RNGTT: variants seen among roughly 807,000 people sequenced by gnomAD.
The protein encoded by RNGTT is RNA guanylyltransferase and 5'-phosphatase.
A neutral mutation model predicts 79.3 loss-of-function variants in RNGTT; 33 were observed. That is an observed-to-expected ratio of 0.42 (90% CI 0.32 to 0.56). The LOEUF is 0.56. RNGTT is among the 20% of genes least tolerant of loss of function. The probability of loss-of-function intolerance (pLI) is 0.17; values close to 1 mark genes in which losing one functional copy is unlikely to be tolerated. For synonymous variants in RNGTT, 222 were observed against 235.9 expected (o/e 0.94, Z 0.54); for missense variants, 497 against 739.1 (o/e 0.67, Z 3.80).
intron 4 of RNGTT, among the ~76,000 whole-genome samples, chr6:88,906,809 A>G (rs1420509413): frequency 1.3e-5 from 2 of 152,142 alleles, no homozygotes. Flanking sequence ...TCTGACCCTC[A>G]AACTTTAAAT....
At chr6:88,800,059 CTTTG>C (rs1049431096) in intron 12 of RNGTT, among the ~76,000 whole-genome samples, 1 of 152,162 alleles carries the variant, frequency 6.6e-6, no homozygotes, top group Non-Finnish European at 1.5e-5. Context: ...TATTTCTGTT[CTTTG>C]TTTGGCAAGG....
intron 6 of RNGTT, among the ~76,000 whole-genome samples, chr6:88,902,809 C>T (rs1418129062): frequency 6.7e-6 from 1 of 149,570 alleles, no homozygotes; most frequent in Non-Finnish European, 1.5e-5. Context: ...CATTCTCCTG[C>T]CTCGGCCTCC....
At chr6:88,718,015 T>A (rs9359808) in intron 13 of RNGTT, among the ~76,000 whole-genome samples, 17,964 of 152,160 alleles carry the variant, frequency 0.12, 1,177 homozygotes, top group Middle Eastern at 0.23. Flanking sequence ...TAGCTGCTAC[T>A]GAATTAATCT....
intron 8 of RNGTT, among the ~76,000 whole-genome samples, chr6:88,871,028 T>C (rs950914988): frequency 6.6e-6 from 1 of 152,174 alleles, no homozygotes; most frequent in Admixed American, 6.5e-5. Context: ...ATGCTGTTTG[T>C]AGTTTTTACT....
At position 88,614,325 on chromosome 6, in the gene RNGTT, A is replaced by C. The variant is rs751271470; in HGVS notation, c.1577T>G (p.Phe526Cys). The stretch of plus-strand genomic sequence containing the variant: ...ACTTTTGTCTGTTCTCTGTCTCATG[A>C]AGACCCAGCTGTTGTTCTCAAATTT... ...ECKFENNSWV[F>C]MRQRTDKSFP... The change falls in exon 15 of 16, where the codon TTC becomes TGC. Residue 526 changes from phenylalanine to cysteine, a missense_variant. Around this residue, in one of 3 missense-constraint regions of RNGTT, gnomAD observed 440 missense variants for 671.5 expected, o/e 0.66. Transcript: ENST00000369485. The C allele has an allele frequency of 6.2e-7, 1 of 1,613,846 alleles. No individual in the cohort carries two copies. Among genetic ancestry groups the C allele is most frequent in the Non-Finnish European group, 8.5e-7 (1 of 1,179,728 alleles).
At chr6:88,729,474 G>T (rs1777036302) in intron 13 of RNGTT, among the ~76,000 whole-genome samples, 1 of 151,138 alleles carries the variant, frequency 6.6e-6, no homozygotes, top group Admixed American at 6.6e-5. Flanking sequence ...CACAATTAGA[G>T]TCCCAAGGGG....
In RNGTT at chr6:88,929,221, T is replaced by C; in HGVS notation, c.221A>G (p.Tyr74Cys). 1 of 1,609,630 alleles carries C rather than the reference T, an allele frequency of 6.2e-7. No homozygotes were observed. Among genetic ancestry groups the C allele is most frequent in the South Asian group, 1.1e-5 (1 of 90,484 alleles). Residue 74 changes from tyrosine (Y) to cysteine (C), a missense_variant, in exon 3 of 16, where the codon TAT becomes TGT. Around this residue, in one of 3 missense-constraint regions of RNGTT, gnomAD observed 440 missense variants for 671.5 expected, o/e 0.66. Transcript: ENST00000369485. Reference sequence around the variant, plus strand: ...TTCTTTTTCTATGTCATTTCGGTCATAGAACCTTGAAGTATTTGTCAGGTC... The same window carrying C: ...TTCTTTTTCTATGTCATTTCGGTCACAGAACCTTGAAGTATTTGTCAGGTC... ...LVDLTNTSRF[Y>C]DRNDIEKEGI...
intron 1 of RNGTT, among the ~76,000 whole-genome samples, chr6:88,941,600 A>C (rs1053084438): frequency 1.1e-4 from 17 of 152,190 alleles, no homozygotes; most frequent in Admixed American, 2.6e-4. Flanking sequence ...AAGCAATCTA[A>C]AAATGCAAGT....
chr6:88,918,385 G>GA (rs886857962), intron 4 of RNGTT, among the ~76,000 whole-genome samples: 4 of 151,950 alleles, frequency 2.6e-5, no homozygotes, highest in African/African-American at 7.3e-5. Flanking sequence ...AAGTGGATAG[G>GA]AAAAAATGGA....
At chr6:88,653,312 A>G (rs951283952) in intron 14 of RNGTT, among the ~76,000 whole-genome samples, 64 of 152,244 alleles carry the variant, frequency 4.2e-4, no homozygotes, top group Non-Finnish European at 8.5e-4. Flanking sequence ...ATGTTTAACA[A>G]GAACTCACCT....
intron 11 of RNGTT, among the ~76,000 whole-genome samples, chr6:88,824,226 G>A (rs1355062636): frequency 6.6e-6 from 1 of 152,156 alleles, no homozygotes; most frequent in Non-Finnish European, 1.5e-5. Context: ...AAACCTAGAT[G>A]GTCCAGCCAA....
In RNGTT at chr6:88,760,311, T is replaced by C. The variant is rs528843885; in HGVS notation, c.1439+9463A>G. Among the ~76,000 whole-genome samples, 8 of 152,302 alleles carry C rather than the reference T, an allele frequency of 5.3e-5. No individual in the cohort carries two copies. In the South Asian group the frequency reaches 1.7e-3, roughly 32 times the overall value. ...TAACAGAGGAAACAAGAGTTACTAA[T>C]ACCCAAGAGATAACCAGGCAAAGGA... On this transcript the variant is annotated intron_variant, in intron 13 of 15. Transcript: ENST00000369485.
chr6:88,799,498 A>G (rs1168202648), intron 12 of RNGTT, among the ~76,000 whole-genome samples: 1 of 152,066 alleles, frequency 6.6e-6, no homozygotes, highest in East Asian at 1.9e-4. Context: ...CAGGAGTTCA[A>G]TACCAGCCTG....
At chr6:88,791,169 T>TA (rs1245889219) in intron 12 of RNGTT, among the ~76,000 whole-genome samples, 1 of 150,670 alleles carries the variant, frequency 6.6e-6, no homozygotes, top group Non-Finnish European at 1.5e-5. Flanking sequence ...CAATTTTTTT[T>TA]AAAAAACAAT....
intron 11 of RNGTT, among the ~76,000 whole-genome samples, chr6:88,807,111 A>G (rs1184059939): frequency 2.6e-5 from 4 of 152,142 alleles, no homozygotes; most frequent in Admixed American, 2.6e-4. Flanking sequence ...GGAGAGGGAG[A>G]GCATTAGGAA....
At chr6:88,915,419 T>G (rs1260840595) in intron 4 of RNGTT, among the ~76,000 whole-genome samples, 2 of 152,178 alleles carry the variant, frequency 1.3e-5, no homozygotes, top group South Asian at 4.1e-4. Flanking sequence ...ATATATACCA[T>G]AGAATACTAT....
At chr6:88,803,954 G>C (rs1477954962) in intron 11 of RNGTT, among the ~76,000 whole-genome samples, 1 of 151,948 alleles carries the variant, frequency 6.6e-6, no homozygotes, top group African/African-American at 2.4e-5. Context: ...AAATTCATGG[G>C]TCAAAATAAG....
intron 14 of RNGTT, among the ~76,000 whole-genome samples, chr6:88,616,710 A>C (rs1466579883): frequency 1.3e-5 from 2 of 152,188 alleles, no homozygotes; most frequent in Non-Finnish European, 2.9e-5. Context: ...TTCAGTATAC[A>C]AGAAACTTTG....
In RNGTT at chr6:88,822,492, T is replaced by C. The variant is rs111636254; in HGVS notation, c.1270-20860A>G. ...AATATCCTAAAAGTTATTTTAGGAC[T>C]GAGTTCATTCAGGCTTTCACAGAAC... On this transcript the variant is annotated intron_variant, in intron 11 of 15. Transcript: ENST00000369485. 1.8e-3 allele frequency among the ~76,000 whole-genome samples: 279 copies of C among 152,360 alleles called. 3 individuals are homozygous for C. The highest frequency in any genetic ancestry group is 6.6e-3 in the African/African-American group (273 of 41,586).
Sources: gnomAD v4.1 joint callset for allele counts (sites outside exome capture counted in the v4.1 genomes callset) on GRCh38, gnomAD v4.1.1 for gene constraint, gnomAD v4.1.1 regional missense constraint, MANE v1.5 for transcripts, NCBI Gene and HGNC (gene_info 2026-07-23, HGNC 2026-07-21) for gene names.